Variants in RPS6KC1 observed in about 807,000 individuals in gnomAD.
The protein encoded by RPS6KC1 is inactive ribosomal protein S6 kinase delta-1.
RPS6KC1 carries 54 observed loss-of-function variants against 103.8 expected under a neutral mutation model. The observed-to-expected ratio is 0.52, with a 90% CI of 0.42 to 0.65. The LOEUF (loss-of-function observed/expected upper bound fraction) is 0.65, where lower values mean the gene tolerates loss of function less well. Ranked by LOEUF, RPS6KC1 falls within the 30% of genes least tolerant of loss-of-function variation. The pLI is 0.00. For synonymous variants in RPS6KC1, 439 were observed against 438.7 expected (o/e 1.00, Z -0.01); for missense variants, 1,151 against 1,253.8 (o/e 0.92, Z 1.24).
the RPS6KC1 span, among the ~76,000 whole-genome samples, chr1:213,680,807 G>GA: frequency 6.6e-6 from 1 of 152,008 alleles, no homozygotes; most frequent in Non-Finnish European, 1.5e-5. Context: ...TGATCTGCAT[G>GA]GGAAAAAACC....
At chr1:213,617,403 G>A in the RPS6KC1 span, among the ~76,000 whole-genome samples, 2 of 152,170 alleles carry the variant, frequency 1.3e-5, no homozygotes, top group Non-Finnish European at 2.9e-5. Context: ...ACCTGGTTGT[G>A]GAGATGGAAG....
chr1:213,746,174 G>A, the RPS6KC1 span, among the ~76,000 whole-genome samples: 1 of 152,200 alleles, frequency 6.6e-6, no homozygotes, highest in Non-Finnish European at 1.5e-5. Context: ...TATGTTATCA[G>A]GTGATGACTA....
chr1:213,272,494 C>T (rs1168486796), intron 14 of RPS6KC1, 30 bp from the exon 15 acceptor site: 1 of 1,535,470 alleles, frequency 6.5e-7, no homozygotes, highest in East Asian at 2.2e-5. Flanking sequence ...AGTTGGATTC[C>T]TGTTACTCAC....
chr1:213,828,583 C>T, the RPS6KC1 span, among the ~76,000 whole-genome samples: 8 of 152,244 alleles, frequency 5.3e-5, no homozygotes, highest in East Asian at 9.6e-4. Flanking sequence ...ACTAGCTGGG[C>T]GGTGGCTCAG....
chr1:213,375,440 A>C, the RPS6KC1 span, among the ~76,000 whole-genome samples: 7 of 152,208 alleles, frequency 4.6e-5, no homozygotes, highest in Non-Finnish European at 8.8e-5. Context: ...TTAAGGTGGT[A>C]GATTTCGAGG....
chr1:213,704,725 T>A, the RPS6KC1 span, among the ~76,000 whole-genome samples: 1 of 152,224 alleles, frequency 6.6e-6, no homozygotes, highest in Non-Finnish European at 1.5e-5. Context: ...GTTAGGTATT[T>A]TATTCTTCTC....
At chr1:213,089,175 T>C (rs924340019) in intron 3 of RPS6KC1, among the ~76,000 whole-genome samples, 1 of 152,214 alleles carries the variant, frequency 6.6e-6, no homozygotes, top group East Asian at 1.9e-4. Flanking sequence ...TCAATAGCAA[T>C]AGAACCATTA....
chr1:213,472,010 G>T, the RPS6KC1 span, among the ~76,000 whole-genome samples: 1 of 152,132 alleles, frequency 6.6e-6, no homozygotes, highest in South Asian at 2.1e-4. Flanking sequence ...TTTCCCCAGG[G>T]TCAGCAGCGG....
chr1:213,128,217 G>A (rs2085208457), intron 5 of RPS6KC1, among the ~76,000 whole-genome samples: 1 of 152,122 alleles, frequency 6.6e-6, no homozygotes, highest in Non-Finnish European at 1.5e-5. Flanking sequence ...TGTTAATCCA[G>A]ACATTAACAA....
At chr1:213,138,159 A>G (rs1466888844) in intron 6 of RPS6KC1, among the ~76,000 whole-genome samples, 1 of 151,790 alleles carries the variant, frequency 6.6e-6, no homozygotes, top group Admixed American at 6.6e-5. Flanking sequence ...CCTAAAATAA[A>G]CTTTACTTGG....
At chr1:213,255,794 C>T (rs2094628657) in intron 12 of RPS6KC1, among the ~76,000 whole-genome samples, 1 of 152,144 alleles carries the variant, frequency 6.6e-6, no homozygotes, top group Non-Finnish European at 1.5e-5. Context: ...CTTACCTTCA[C>T]CTGTTCTAAT....
At chr1:213,815,207 C>G in the RPS6KC1 span, among the ~76,000 whole-genome samples, 1 of 152,160 alleles carries the variant, frequency 6.6e-6, no homozygotes, top group Non-Finnish European at 1.5e-5. Flanking sequence ...GCGTTTACTT[C>G]CCCTTCCACC....
At chr1:213,566,186 A>G in the RPS6KC1 span, among the ~76,000 whole-genome samples, 1 of 152,156 alleles carries the variant, frequency 6.6e-6, no homozygotes, top group Admixed American at 6.5e-5. Flanking sequence ...AGTGTTCACT[A>G]TGAAATTCTG....
the RPS6KC1 span, among the ~76,000 whole-genome samples, chr1:213,631,378 C>CA: frequency 0.012 from 1,688 of 137,040 alleles, 55 homozygotes; most frequent in Admixed American, 0.061. Flanking sequence ...CTTTCTATGC[C>CA]AAAAAAAAAA....
chr1:213,780,419 T>C, the RPS6KC1 span, among the ~76,000 whole-genome samples: 13 of 152,236 alleles, frequency 8.5e-5, no homozygotes, highest in South Asian at 2.7e-3. Flanking sequence ...CTATAGGAGC[T>C]CTGTGCAGAG....
chr1:213,251,523 G>A (rs1013851288), intron 12 of RPS6KC1, among the ~76,000 whole-genome samples: 3 of 152,216 alleles, frequency 2.0e-5, no homozygotes, highest in Admixed American at 6.5e-5. Flanking sequence ...CACCACCTGA[G>A]TTTAGGCTGC....
At chr1:213,355,227 A>G in the RPS6KC1 span, among the ~76,000 whole-genome samples, 1 of 151,966 alleles carries the variant, frequency 6.6e-6, no homozygotes, top group Non-Finnish European at 1.5e-5. Context: ...ACAAAGGAAA[A>G]AAAAAAGAGA....
intron 1 of RPS6KC1, among the ~76,000 whole-genome samples, chr1:213,070,418 T>G (rs2078761984): frequency 6.6e-6 from 1 of 152,224 alleles, no homozygotes; most frequent in African/African-American, 2.4e-5. Context: ...TTTTTTTGCT[T>G]AATTTTTAGT....
chr1:213,060,679 G>A (rs1392073095), intron 1 of RPS6KC1, among the ~76,000 whole-genome samples: 1 of 152,076 alleles, frequency 6.6e-6, no homozygotes, highest in Non-Finnish European at 1.5e-5. Flanking sequence ...TTAACATTAA[G>A]GATTTTGATT....
Sources: gnomAD v4.1 joint callset for allele counts (sites outside exome capture counted in the v4.1 genomes callset) on GRCh38, gnomAD v4.1.1 for gene constraint, MANE v1.5 for transcripts, NCBI Gene and HGNC (gene_info 2026-07-23, HGNC 2026-07-21) for gene names.